The following TAPT1 variants were observed in gnomAD, a reference collection of about 807,000 sequenced individuals.
TAPT1 encodes the protein transmembrane anterior posterior transformation 1, also known as transmembrane anterior posterior transformation protein 1 homolog.
A neutral mutation model predicts 65.6 loss-of-function variants in TAPT1; 28 were observed. The ratio of observed to expected loss-of-function variants is 0.43; its 90% confidence interval spans 0.32 to 0.59. The LOEUF is 0.59. TAPT1 is among the 20% of genes least tolerant of loss of function. TAPT1 has a pLI of 0.09. For synonymous variants in TAPT1, 278 were observed against 245.2 expected, an observed-to-expected ratio of 1.13 and a Z score of -1.25; for missense variants, 563 against 679.9, an observed-to-expected ratio of 0.83 and a Z score of 1.91.
Position 16,226,376 on chromosome 4 carries a change from C to T in TAPT1, c.82G>A (p.Glu28Lys). ...VDGPQRDGRG[E>K]AEQPGGSGGQ... is the part of the protein sequence containing the mutation. ...CCGCTGCCGCCCGGCTGCTCCGCCT[C>T]GCCGCGGCCGTCCCGCTGCGGGCCG... Residue 28 changes from glutamate (E) to lysine (K), a missense_variant, in exon 1 of 14, where the codon GAG becomes AAG. Physicochemically the swap from Glu to Lys is moderately conservative, Grantham distance 56 (BLOSUM62 1). Transcript: ENST00000405303. The T allele has an allele frequency of 9.0e-7, 1 of 1,105,990 alleles. No homozygotes were observed. Among genetic ancestry groups the T allele is most frequent in the Non-Finnish European group, 1.1e-6 (1 of 908,502 alleles). The allele number at this position is 1,105,990 out of a possible 1,614,324, so 68.5% of individuals were successfully genotyped here. A position where few individuals can be genotyped will look rare whatever the true frequency, so the allele number is the denominator to read the frequency against.
chr4:16,179,279 A>G (rs1176307657), intron 8 of TAPT1: 12 of 258,036 alleles, frequency 4.7e-5, no homozygotes, highest in African/African-American at 9.1e-5. Context: ...TACTGCAGGC[A>G]AACTGTGACA....
chr4:16,184,163 T>C (rs970683283), intron 7 of TAPT1, among the ~76,000 whole-genome samples: 13 of 152,160 alleles, frequency 8.5e-5, no homozygotes, highest in African/African-American at 3.1e-4. Context: ...GAAAGCTCCT[T>C]TGAGTCCCCT....
At chr4:16,202,949 T>C (rs1750126532) in intron 2 of TAPT1, among the ~76,000 whole-genome samples, 1 of 152,226 alleles carries the variant, frequency 6.6e-6, no homozygotes, top group Non-Finnish European at 1.5e-5. Context: ...GACTGGAATA[T>C]ATATTGAGTT....
intron 13 of TAPT1, among the ~76,000 whole-genome samples, chr4:16,166,231 A>G (rs895555253): frequency 1.3e-5 from 2 of 151,972 alleles, no homozygotes; most frequent in African/African-American, 4.8e-5. Context: ...CACTTGGGGG[A>G]GGGCCCAACT....
At chr4:16,193,548 T>C (rs1749512671) in intron 3 of TAPT1, among the ~76,000 whole-genome samples, 2 of 152,212 alleles carry the variant, frequency 1.3e-5, no homozygotes, top group Admixed American at 6.5e-5. Context: ...AAGGGCTACC[T>C]GAATATCAAG....
At chr4:16,191,552 T>C in intron 3 of TAPT1, 29 bp from the exon 4 acceptor site, 1 of 1,541,324 alleles carries the variant, frequency 6.5e-7, no homozygotes, top group Non-Finnish European at 8.8e-7. Context: ...AATAAAAATA[T>C]AATTTTTACT....
At chr4:16,215,813 T>C (rs1578481519) in intron 1 of TAPT1, among the ~76,000 whole-genome samples, 1 of 152,228 alleles carries the variant, frequency 6.6e-6, no homozygotes, top group Admixed American at 6.5e-5. Flanking sequence ...CTTTCTAATA[T>C]GTTCTACGCT....
Position 16,191,516 on chromosome 4 carries a change from G to A in TAPT1, c.457C>T (p.Arg153Cys), listed in dbSNP as rs1426680333. ...CACACCTGGGCAGGCTGAAGCAAAC[G>A]TCTGTCCCTGAAACATACAAGAAGT... ...TLPCYGLRDRRLLQPAQVCDI... is the reference protein window; with the variant it reads ...TLPCYGLRDRCLLQPAQVCDI... The change falls in exon 4 of 14, where the codon CGT becomes TGT. Residue 153 changes from arginine to cysteine, a missense_variant. Arg to Cys is a radical substitution (Grantham distance 180, BLOSUM62 -3). Transcript: ENST00000405303. The A allele has an allele frequency of 6.4e-6, 10 of 1,556,178 alleles. No homozygotes were observed. Among genetic ancestry groups the A allele is most frequent in the South Asian group, 4.7e-5 (4 of 84,312 alleles).
intron 13 of TAPT1, among the ~76,000 whole-genome samples, chr4:16,165,198 C>A (rs1747521464): frequency 6.6e-6 from 1 of 152,168 alleles, no homozygotes; most frequent in African/African-American, 2.4e-5. Flanking sequence ...TTACATGAGG[C>A]CTTGAAGGAC....
chr4:16,201,713 A>C (rs1163690859), intron 3 of TAPT1, among the ~76,000 whole-genome samples: 1 of 152,196 alleles, frequency 6.6e-6, no homozygotes, highest in Non-Finnish European at 1.5e-5. Flanking sequence ...AAAGAAGAAA[A>C]CAGATTATCT....
chr4:16,189,225 C>T (rs1237767512), intron 4 of TAPT1, among the ~76,000 whole-genome samples: 2 of 152,184 alleles, frequency 1.3e-5, no homozygotes, highest in Non-Finnish European at 2.9e-5. Flanking sequence ...AATGCCACAT[C>T]CTAACAGAGG....
At chr4:16,226,098 C>G (rs1320606160) in intron 1 of TAPT1, 161 bp downstream of exon 1, 12 of 1,025,248 alleles carry the variant, frequency 1.2e-5, no homozygotes, top group Non-Finnish European at 1.4e-5. Context: ...GGCCGCGGAG[C>G]CTCGGCAGCC....
Position 16,213,914 on chromosome 4 carries a change from T to G in TAPT1, c.200-16A>C, listed in dbSNP as rs12651110. On this transcript the variant is annotated splice_polypyrimidine_tract_variant and intron_variant, in intron 1 of 13. Transcript: ENST00000405303. ...AATGAAAGCTCTACAGAAAAGAAAA[T>G]GACAGAAAACAAAAAGAACAGTATT... is the stretch of plus-strand genomic sequence containing the variant. 344,406 of 1,575,848 alleles carry G rather than the reference T, an allele frequency of 0.22. 39,788 individuals are homozygous for G. The highest frequency in any genetic ancestry group is 0.28 in the East Asian group (12,481 of 44,152).
chr4:16,201,961 T>C (rs1750058202), intron 3 of TAPT1, among the ~76,000 whole-genome samples: 1 of 152,092 alleles, frequency 6.6e-6, no homozygotes, highest in Non-Finnish European at 1.5e-5. Context: ...ATCAGTCTCG[T>C]CCATAACCAG....
At chr4:16,171,385 C>T (rs1747978722) in intron 11 of TAPT1, among the ~76,000 whole-genome samples, 1 of 152,034 alleles carries the variant, frequency 6.6e-6, no homozygotes, top group South Asian at 2.1e-4. Context: ...AAGCATTATC[C>T]TTGGAAGTCT....
Position 16,161,236 on chromosome 4 carries a change from T to C in TAPT1, c.*2072A>G, listed in dbSNP as rs1225480474. 1.4e-4 allele frequency: 22 copies of C among 152,596 alleles called. No homozygotes were observed. Among genetic ancestry groups the C allele is most frequent in the Admixed American group, 1.4e-3 (22 of 15,270 alleles). 9.5% of individuals were successfully genotyped at this position (152,596 alleles called of 1,614,324 possible). A position where few individuals can be genotyped will look rare whatever the true frequency, so the allele number is the denominator to read the frequency against. ...TTACAAATAAATACTTATTATACAG[T>C]GGGAAATTCACTCTACCAAATACAA... On this transcript the variant is annotated 3_prime_UTR_variant, in exon 14 of 14. Coordinates refer to ENST00000405303, the MANE Select transcript of TAPT1 (RefSeq NM_153365.3).
In TAPT1 at chr4:16,164,685, C is replaced by T. The variant is rs1391002182; in HGVS notation, c.1475-1148G>A. Among the ~76,000 whole-genome samples the T allele has an allele frequency of 2.0e-5, 3 of 152,288 alleles. No homozygotes were observed. The East Asian group carries it at 5.8e-4, about 29-fold the overall frequency. On this transcript the variant is annotated intron_variant, in intron 13 of 13. Coordinates refer to ENST00000405303, the MANE Select transcript of TAPT1 (RefSeq NM_153365.3). Reference sequence around the variant, plus strand: ...GGCTCAAGCGCTGCTTCTGCCTTAGCCTCCCAAAGTGCTGGGATTATTAAA... The same window carrying T: ...GGCTCAAGCGCTGCTTCTGCCTTAGTCTCCCAAAGTGCTGGGATTATTAAA...
intron 8 of TAPT1, among the ~76,000 whole-genome samples, chr4:16,177,927 T>C (rs1443473137): frequency 6.6e-6 from 1 of 152,192 alleles, no homozygotes; most frequent in East Asian, 1.9e-4. Context: ...TTTATCATAT[T>C]ATCTGCCATA....
intron 1 of TAPT1, among the ~76,000 whole-genome samples, chr4:16,219,585 A>C (rs1255201816): frequency 6.6e-6 from 1 of 152,232 alleles, no homozygotes; most frequent in Non-Finnish European, 1.5e-5. Context: ...TTCATAAGGT[A>C]AATATCTTGA....
Sources: allele counts gnomAD v4.1 joint callset (sites outside exome capture counted in the v4.1 genomes callset), GRCh38; gene constraint gnomAD v4.1.1; transcripts MANE v1.5; gene names NCBI Gene and HGNC (gene_info 2026-07-23, HGNC 2026-07-21).